Variants in CPNE4 observed in about 807,000 individuals in gnomAD.
The protein encoded by CPNE4 is copine 4.
CPNE4 carries 25 observed loss-of-function variants against 67.9 expected under a neutral mutation model. The observed-to-expected ratio is 0.37, with a 90% confidence interval of 0.27 to 0.51. The LOEUF is 0.51. Among genes scored for constraint, CPNE4 ranks in the 20% least tolerant of loss-of-function variants. The pLI is 0.93. For synonymous variants in CPNE4, 242 were observed against 244.9 expected (o/e 0.99, Z 0.11); for missense variants, 464 against 690.8 (o/e 0.67, Z 3.68).
intron 2 of CPNE4, among the ~76,000 whole-genome samples, chr3:131,757,444 G>A (rs917552617): frequency 6.6e-6 from 1 of 152,190 alleles, no homozygotes; most frequent in Admixed American, 6.5e-5. Context: ...TGAGAGAGAT[G>A]ATTTAGGTAT....
intron 2 of CPNE4, among the ~76,000 whole-genome samples, chr3:131,830,605 TCA>T (rs2085330881): frequency 1.3e-5 from 2 of 152,182 alleles, no homozygotes; most frequent in Admixed American, 6.6e-5. Flanking sequence ...TGAAGCCTGC[TCA>T]GACAACCCTA....
intron 1 of CPNE4, among the ~76,000 whole-genome samples, chr3:132,028,174 AC>A (rs987209150): frequency 3.9e-5 from 6 of 152,074 alleles, no homozygotes; most frequent in Non-Finnish European, 5.9e-5. Flanking sequence ...ATGAGATGCC[AC>A]CCCCTCCACT....
chr3:131,990,444 T>C (rs1207877187), intron 1 of CPNE4, among the ~76,000 whole-genome samples: 1 of 135,386 alleles, frequency 7.4e-6, no homozygotes, highest in Non-Finnish European at 1.7e-5. Context: ...ATAAATGTTG[T>C]TTTTGGTTCT....
intron 2 of CPNE4, among the ~76,000 whole-genome samples, chr3:131,743,070 T>C (rs1429225921): frequency 1.3e-5 from 2 of 151,712 alleles, no homozygotes; most frequent in African/African-American, 4.8e-5. Flanking sequence ...TAGGAGGTGG[T>C]TCTTTAATAA....
intron 1 of CPNE4, among the ~76,000 whole-genome samples, chr3:132,004,025 C>A (rs2073524432): frequency 6.6e-6 from 1 of 152,010 alleles, no homozygotes; most frequent in African/African-American, 2.4e-5. Context: ...AAATGATGGT[C>A]TCCTCCTCTC....
rs543632097 is a variant in CPNE4 at position 131,607,608 on chromosome 3, A to T, written c.682-20026T>A. On this transcript the variant is annotated intron_variant, in intron 7 of 15. Coordinates refer to ENST00000429747, the MANE Select transcript of CPNE4 (RefSeq NM_130808.3). ...TTCTATCTAAATCCATCTCCCACAT[A>T]AAGGTTATCATTTTTGAAAAAGCAC... is the stretch of plus-strand genomic sequence containing the variant. Among the ~76,000 whole-genome samples, 8 of 152,296 alleles carry T rather than the reference A, an allele frequency of 5.3e-5. No individual in the cohort carries two copies. The East Asian group carries it at 1.5e-3, about 29-fold the overall frequency.
chr3:131,736,496 T>C (rs1328874837), intron 2 of CPNE4, among the ~76,000 whole-genome samples: 2 of 151,596 alleles, frequency 1.3e-5, no homozygotes, highest in Non-Finnish European at 2.9e-5. Context: ...GGCGCATGCC[T>C]GTAGTCCCAG....
intron 2 of CPNE4, among the ~76,000 whole-genome samples, chr3:131,803,451 C>T (rs776629053): frequency 3.9e-5 from 6 of 152,196 alleles, no homozygotes; most frequent in Non-Finnish European, 7.3e-5. Flanking sequence ...AGTTTTTCTA[C>T]ATTGAAGACA....
intron 2 of CPNE4, among the ~76,000 whole-genome samples, chr3:131,838,594 T>C (rs2085647132): frequency 7.5e-6 from 1 of 133,962 alleles, no homozygotes; most frequent in South Asian, 2.7e-4. Context: ...TTGATGAACA[T>C]TAAAGTATTC....
chr3:131,978,158 AATAT>A lies in CPNE4; in HGVS notation c.-2+56405_-2+56408del, dbSNP rs1298698741. Among the ~76,000 whole-genome samples, 5 of 66,544 alleles carry A rather than the reference AATAT, an allele frequency of 7.5e-5. 1 individual carries two copies. The highest frequency in any genetic ancestry group is 1.1e-4 in the Non-Finnish European group (5 of 43,874). 43.7% of individuals were successfully genotyped at this position (66,544 alleles called of 152,430 possible). A position where few individuals can be genotyped will look rare whatever the true frequency, so the allele number is the denominator to read the frequency against. On this transcript the variant is annotated intron_variant, in intron 1 of 15. Coordinates refer to ENST00000429747, the MANE Select transcript of CPNE4 (RefSeq NM_130808.3). ...TATATAAATATATATAAAATATATA[AATAT>A]ATATAAATATGTAAATATATATAAT...
At chr3:131,628,227 C>T (rs2107772158) in intron 7 of CPNE4, among the ~76,000 whole-genome samples, 1 of 152,292 alleles carries the variant, frequency 6.6e-6, no homozygotes, top group South Asian at 2.1e-4. Context: ...CTGTATTAGT[C>T]CATATTCACA....
intron 7 of CPNE4, among the ~76,000 whole-genome samples, chr3:131,664,318 T>A (rs951813828): frequency 6.6e-6 from 1 of 152,182 alleles, no homozygotes; most frequent in Non-Finnish European, 1.5e-5. Flanking sequence ...CATTGCCTCC[T>A]AAAGAATATG....
At chr3:131,738,847 T>C (rs957673316) in intron 2 of CPNE4, among the ~76,000 whole-genome samples, 2 of 118,676 alleles carry the variant, frequency 1.7e-5, no homozygotes, top group Admixed American at 8.7e-5. Context: ...CATGTCTTTT[T>C]CTTTTTCTTT....
chr3:131,713,335 C>T (rs1279113127), intron 3 of CPNE4, among the ~76,000 whole-genome samples: 2 of 151,952 alleles, frequency 1.3e-5, no homozygotes, highest in African/African-American at 2.4e-5. Context: ...CTGGGGGCTA[C>T]CAGGTAGGTA....
At chr3:131,967,902 C>T (rs995285732) in intron 1 of CPNE4, among the ~76,000 whole-genome samples, 3 of 152,062 alleles carry the variant, frequency 2.0e-5, no homozygotes, top group African/African-American at 7.2e-5. Flanking sequence ...ATAGCCAAGA[C>T]AATCCAAAGC....
chr3:131,672,585 A>G (rs897254914), intron 6 of CPNE4, among the ~76,000 whole-genome samples: 3 of 152,080 alleles, frequency 2.0e-5, no homozygotes, highest in African/African-American at 4.8e-5. Flanking sequence ...CTGATGATCA[A>G]TGATGTTGAG....
chr3:131,597,550 G>C (rs1332693030), intron 7 of CPNE4, among the ~76,000 whole-genome samples: 1 of 152,170 alleles, frequency 6.6e-6, no homozygotes, highest in Non-Finnish European at 1.5e-5. Context: ...TCAGTTCCTG[G>C]TGGGCAGAAA....
At chr3:132,002,887 C>G (rs115550214) in intron 1 of CPNE4, among the ~76,000 whole-genome samples, 1 of 152,066 alleles carries the variant, frequency 6.6e-6, no homozygotes, top group African/African-American at 2.4e-5. Context: ...ATGAAGACAA[C>G]AGCTGTCAGT....
chr3:131,851,049 T>C (rs2086220832), intron 2 of CPNE4, among the ~76,000 whole-genome samples: 1 of 152,108 alleles, frequency 6.6e-6, no homozygotes, highest in African/African-American at 2.4e-5. Flanking sequence ...ATTGATGAAC[T>C]AAAACAACAC....
Sources: allele counts gnomAD v4.1 joint callset (sites outside exome capture counted in the v4.1 genomes callset), GRCh38; gene constraint gnomAD v4.1.1; transcripts MANE v1.5; gene names NCBI Gene and HGNC (gene_info 2026-07-23, HGNC 2026-07-21).